TRRAP: variants seen among roughly 807,000 people sequenced by gnomAD.
TRRAP encodes transformation/transcription domain associated protein, also known as transformation/transcription domain-associated protein.
TRRAP carries 41 observed loss-of-function variants against 438.8 expected under a neutral mutation model. That is an observed-to-expected ratio of 0.09 (90% CI 0.07 to 0.12). The LOEUF (loss-of-function observed/expected upper bound fraction) is 0.12, where lower values mean the gene tolerates loss of function less well. Ranked by LOEUF, TRRAP falls within the 10% of genes least tolerant of loss-of-function variation. The pLI is 1.00. For missense variants in TRRAP, 3,122 were observed against 5,055.1 expected (o/e 0.62, Z 11.60); for synonymous variants, 1,994 against 1,962.9 (o/e 1.02, Z -0.42).
intron 29 of TRRAP, 32 bp downstream of exon 29, chr7:98,937,309 CGTGTGTGCACACACAT>C: frequency 6.4e-7 from 1 of 1,563,578 alleles, no homozygotes; most frequent in Non-Finnish European, 8.7e-7. Flanking sequence ...TATGCGCACG[CGTGTGTGCACACACAT>C]GTGTGTGTAC....
chr7:98,932,352 A>G (rs1420531105), intron 26 of TRRAP, among the ~76,000 whole-genome samples: 3 of 152,060 alleles, frequency 2.0e-5, no homozygotes, highest in African/African-American at 7.2e-5. Flanking sequence ...TGACCTCATG[A>G]TCCGCCTGCT....
In TRRAP at chr7:98,994,254, C is replaced by T. The variant is rs535149030; in HGVS notation, c.10048-333C>T. On this transcript the variant is annotated intron_variant, in intron 66 of 72. Coordinates refer to ENST00000456197, the MANE Select transcript of TRRAP (RefSeq NM_001375524.1). The surrounding 1 kb of genome is among the most constrained non-coding windows in gnomAD (Gnocchi z 4.8). ...CGTGTGTGCACAGTGCACGCAGACA[C>T]GCGGTGGGAACAGTACAGCTGCCTG... Among the ~76,000 whole-genome samples, 4 of 152,268 alleles carry T rather than the reference C, an allele frequency of 2.6e-5. No homozygotes were observed. Among genetic ancestry groups the T allele is most frequent in the African/African-American group, 7.2e-5 (3 of 41,542 alleles).
intron 19 of TRRAP, 50 bp from the exon 20 acceptor site, chr7:98,917,373 C>T (rs782152933): frequency 5.7e-6 from 9 of 1,589,600 alleles, no homozygotes; most frequent in African/African-American, 5.4e-5. Context: ...CACCTGGGCC[C>T]GAGTCTGGGG....
At chr7:98,940,986 C>G (rs1313564410) in intron 30 of TRRAP, among the ~76,000 whole-genome samples, 1 of 152,132 alleles carries the variant, frequency 6.6e-6, no homozygotes, top group Admixed American at 6.5e-5. Flanking sequence ...TGAAAACAAC[C>G]CTGAAAATTT....
intron 3 of TRRAP, among the ~76,000 whole-genome samples, chr7:98,883,022 T>A (rs975295099): frequency 1.3e-5 from 2 of 152,266 alleles, no homozygotes; most frequent in Admixed American, 6.5e-5. Context: ...TGTATTCTTA[T>A]GCAATGAGAT....
At chr7:98,930,519 G>T in intron 24 of TRRAP, 114 bp from the exon 25 acceptor site, 1 of 1,356,126 alleles carries the variant, frequency 7.4e-7, no homozygotes, top group South Asian at 1.3e-5. Flanking sequence ...TGGAGGTTGC[G>T]GTGAGCCGAG....
In TRRAP at chr7:98,961,303, C is replaced by A. The variant is rs762066019; in HGVS notation, c.6532C>A (p.Leu2178Ile). Reference sequence around the variant, plus strand: ...GAACTATGGGAATATCTGCACGGGCCTAGAAGTGCTGAGCTTCCTGCTAAC... The same window carrying A: ...GAACTATGGGAATATCTGCACGGGCATAGAAGTGCTGAGCTTCCTGCTAAC... The part of the protein sequence containing the change: ...QVNYGNICTG[L>I]EVLSFLLTVL... Residue 2178 changes from leucine (L) to isoleucine (I), a missense_variant, in exon 46 of 73, where the codon CTA becomes ATA. Transcript: ENST00000456197. 1.9e-6 allele frequency: 3 copies of A among 1,614,238 alleles called. No homozygotes were observed. Among genetic ancestry groups the A allele is most frequent in the African/African-American group, 2.7e-5 (2 of 75,050 alleles).
intron 63 of TRRAP, among the ~76,000 whole-genome samples, chr7:98,989,219 C>A (rs1393460297): frequency 6.6e-6 from 1 of 152,248 alleles, no homozygotes; most frequent in African/African-American, 2.4e-5. Context: ...TCTAGCACTG[C>A]CTGTGGGAGC....
At chr7:98,950,315 T>C in intron 38 of TRRAP, 53 bp downstream of exon 38, 3 of 1,589,484 alleles carry the variant, frequency 1.9e-6, no homozygotes, top group Non-Finnish European at 2.6e-6. Context: ...TCTGGTTTTC[T>C]AGGGAACTTT....
intron 14 of TRRAP, among the ~76,000 whole-genome samples, 156 bp downstream of exon 14, chr7:98,909,118 G>A (rs1554408111): frequency 6.6e-6 from 1 of 151,626 alleles, no homozygotes; most frequent in African/African-American, 2.4e-5. Flanking sequence ...CTGCCTCCTG[G>A]GTTCAAGTGA....
chr7:99,008,599 T>A, intron 70 of TRRAP, 38 bp downstream of exon 70: 2 of 1,605,064 alleles, frequency 1.2e-6, no homozygotes, highest in Non-Finnish European at 1.7e-6. Context: ...AGCTGCCGCC[T>A]GCAGCCCTCC....
At chr7:98,987,937 G>GT (rs992260527) in intron 62 of TRRAP, among the ~76,000 whole-genome samples, 3 of 151,736 alleles carry the variant, frequency 2.0e-5, no homozygotes, top group African/African-American at 2.4e-5. Flanking sequence ...AGATGATTGT[G>GT]TTTTTTTTCC....
intron 27 of TRRAP, 76 bp from the exon 28 acceptor site, chr7:98,935,503 T>C: frequency 7.8e-7 from 1 of 1,276,016 alleles, no homozygotes; most frequent in South Asian, 1.4e-5. Flanking sequence ...GGAAGATTGC[T>C]GTGTTCTGTT....
chr7:98,945,421 A>C (rs1554416556), intron 31 of TRRAP, among the ~76,000 whole-genome samples: 1 of 152,176 alleles, frequency 6.6e-6, no homozygotes, highest in Non-Finnish European at 1.5e-5. Flanking sequence ...TTCACTCTAC[A>C]AAAGACTTTT....
At chr7:98,901,875 C>T (rs1374536448) in intron 11 of TRRAP, among the ~76,000 whole-genome samples, 2 of 152,210 alleles carry the variant, frequency 1.3e-5, no homozygotes, top group Admixed American at 6.5e-5. Context: ...GTTTATGTAT[C>T]ATAAAGTTCC....
At position 98,993,530 on chromosome 7, in the gene TRRAP, G is replaced by C. The variant is rs1246194206; in HGVS notation, c.9848-8G>C. On this transcript the variant is annotated splice_region_variant and splice_polypyrimidine_tract_variant and intron_variant, in intron 65 of 72. Coordinates refer to ENST00000456197, the MANE Select transcript of TRRAP (RefSeq NM_001375524.1). ...CGCTGACACTGGCGTTGTGTGTGTT[G>C]CTCTCAGATTCTGGACAGCAGCAGC... 1 of 1,608,060 alleles carries C rather than the reference G, an allele frequency of 6.2e-7. No homozygotes were observed. Among genetic ancestry groups the C allele is most frequent in the Non-Finnish European group, 8.5e-7 (1 of 1,179,998 alleles).
At position 98,959,470 on chromosome 7, in the gene TRRAP, G is replaced by A. The variant is rs746396500; in HGVS notation, c.6469G>A (p.Asp2157Asn). The A allele has an allele frequency of 1.2e-6, 2 of 1,613,682 alleles. No homozygotes were observed. Among genetic ancestry groups the A allele is most frequent in the Non-Finnish European group, 1.7e-6 (2 of 1,179,886 alleles). The change falls in exon 45 of 73, where the codon GAC (aspartate) becomes AAC (asparagine). Residue 2157 changes from aspartate to asparagine, a missense_variant. Coordinates refer to ENST00000456197, the MANE Select transcript of TRRAP (RefSeq NM_001375524.1). ...GTCCGAACTCAAGCTGCAGTGGTTC[G>A]ACAAGCTGCTGATGACTGTGGTGAG... ...PKSELKLQWF[D>N]KLLMTVEQPN...
Position 98,911,236 on chromosome 7 carries a change from A to G in TRRAP, c.1972A>G (p.Met658Val), listed in dbSNP as rs142095430. 5.2e-5 allele frequency: 84 copies of G among 1,613,730 alleles called. No individual in the cohort carries two copies. Among genetic ancestry groups the G allele is most frequent in the Non-Finnish European group, 5.6e-5 (66 of 1,179,898 alleles). Reference protein sequence around the residue: ...KEIFQTTVPYMVERISKNYAL... With the variant: ...KEIFQTTVPYVVERISKNYAL... ...AATCTTCCAAACTACGGTCCCTTAT[A>G]TGGTGGAGAGAATCTCAAAAAATTA... Residue 658 changes from methionine to valine, a missense_variant, in exon 17 of 73, where the codon ATG becomes GTG. Coordinates refer to ENST00000456197, the MANE Select transcript of TRRAP (RefSeq NM_001375524.1).
Position 99,004,397 on chromosome 7 carries a change from A to G in TRRAP, c.10517A>G (p.Tyr3506Cys). The G allele has an allele frequency of 6.2e-7, 1 of 1,614,088 alleles. No individual in the cohort carries two copies. Among genetic ancestry groups the G allele is most frequent in the Non-Finnish European group, 8.5e-7 (1 of 1,180,006 alleles). The change falls in exon 68 of 73, where the codon TAT (tyrosine) becomes TGT (cysteine). Residue 3506 changes from tyrosine to cysteine, a missense_variant. By Grantham distance (194) the Tyr-to-Cys change is radical. Coordinates refer to ENST00000456197, the MANE Select transcript of TRRAP (RefSeq NM_001375524.1). The part of the protein sequence containing the change: ...GEFLMPKPTH[Y>C]YIKIARFMPR... ...TTTCTGATGCCAAAGCCAACGCATT[A>G]TTACATCAAGATTGCACGGTGAGTG...
Sources: allele counts gnomAD v4.1 joint callset (sites outside exome capture counted in the v4.1 genomes callset), GRCh38; gene constraint gnomAD v4.1.1; non-coding constraint Gnocchi (gnomAD v3.1); transcripts MANE v1.5; gene names NCBI Gene and HGNC (gene_info 2026-07-23, HGNC 2026-07-21).